The following ZNF804B variants were observed in gnomAD, a reference collection of about 807,000 sequenced individuals.
The protein encoded by ZNF804B is zinc finger protein 804B, also known as zinc finger 804B.
Under a neutral mutation model 101.4 loss-of-function variants are expected in ZNF804B, and 80 were observed. The ratio of observed to expected loss-of-function variants is 0.79; its 90% confidence interval spans 0.66 to 0.95. ZNF804B has a LOEUF of 0.95. ZNF804B is among the 40% of genes least tolerant of loss of function. The pLI is 0.00. For synonymous variants in ZNF804B, 622 were observed against 558.8 expected, an observed-to-expected ratio of 1.11 and a Z score of -1.59; for missense variants, 1,673 against 1,561.9, an observed-to-expected ratio of 1.07 and a Z score of -1.20.
intron 1 of ZNF804B, among the ~76,000 whole-genome samples, chr7:89,159,545 AGCATGGAACAGAGTGG>A (rs777788512): frequency 6.6e-6 from 1 of 152,170 alleles, no homozygotes; most frequent in Non-Finnish European, 1.5e-5. Flanking sequence ...GTGAAGGTAA[AGCATGGAACAGAGTGG>A]GCATGTATCA....
intron 1 of ZNF804B, among the ~76,000 whole-genome samples, chr7:89,029,149 G>A (rs1254237243): frequency 6.6e-6 from 1 of 152,304 alleles, no homozygotes; most frequent in East Asian, 1.9e-4. Context: ...TGTTGCCAAA[G>A]CTGGAGTGCA....
At chr7:88,794,260 G>T in intron 1 of ZNF804B, 1 of 1,613,708 alleles carries the variant, frequency 6.2e-7, no homozygotes. Flanking sequence ...GTTTATAAAT[G>T]TTGCCGGGTC....
At chr7:88,847,147 C>T (rs1791384482) in intron 1 of ZNF804B, among the ~76,000 whole-genome samples, 1 of 151,838 alleles carries the variant, frequency 6.6e-6, no homozygotes, top group South Asian at 2.1e-4. Context: ...AATTGACTAT[C>T]TTTTAGAAAA....
rs778131058 is a variant in ZNF804B, at chr7:89,336,333, C to G, written c.3351C>G (p.Tyr1117Ter). ...ATGTAGAGGGAAATATAAACTCTTA[C>G]TATGACAGAACTATGCAGAAACCTG... ...INHVEGNINS[Y>*]YDRTMQKPDK... Residue 1117 changes from tyrosine to a stop codon, truncating the protein, a stop_gained, in exon 4 of 4, where the codon TAC becomes TAG. Transcript: ENST00000333190. LOFTEE classifies it high-confidence loss of function. 1.2e-6 allele frequency: 2 copies of G among 1,613,948 alleles called. No homozygotes were observed. The highest frequency in any genetic ancestry group is 1.1e-5 in the South Asian group (1 of 91,080).
At chr7:88,815,391 A>G (rs1198235188) in intron 1 of ZNF804B, among the ~76,000 whole-genome samples, 1 of 149,244 alleles carries the variant, frequency 6.7e-6, no homozygotes, top group African/African-American at 2.4e-5. Context: ...AGTTTTTTCC[A>G]TATTAGAATA....
chr7:89,008,447 A>G (rs1321114332), intron 1 of ZNF804B, among the ~76,000 whole-genome samples: 1 of 152,194 alleles, frequency 6.6e-6, no homozygotes, highest in East Asian at 1.9e-4. Context: ...ACTAAGTCTC[A>G]GATCAATTCT....
intron 1 of ZNF804B, among the ~76,000 whole-genome samples, chr7:88,966,761 T>TAC (rs911193159): frequency 6.6e-6 from 1 of 150,624 alleles, no homozygotes; most frequent in Non-Finnish European, 1.5e-5. Context: ...CACACATACA[T>TAC]ACACACACAC....
At chr7:88,876,669 A>G (rs1275881332) in intron 1 of ZNF804B, among the ~76,000 whole-genome samples, 1 of 151,952 alleles carries the variant, frequency 6.6e-6, no homozygotes, top group Non-Finnish European at 1.5e-5. Flanking sequence ...TGTTAAGTTC[A>G]TGTGTTTTAA....
chr7:89,288,232 T>C (rs1372448485), intron 2 of ZNF804B, among the ~76,000 whole-genome samples: 2 of 151,412 alleles, frequency 1.3e-5, no homozygotes, highest in Admixed American at 1.3e-4. Context: ...GAGAAAAAAA[T>C]GGAAAGAACC....
intron 1 of ZNF804B, among the ~76,000 whole-genome samples, chr7:88,971,967 C>T (rs11981551): frequency 6.6e-6 from 1 of 150,988 alleles, no homozygotes; most frequent in African/African-American, 2.4e-5. Context: ...AGTTGTAGAT[C>T]TAGAGCTGCA....
chr7:89,252,664 C>T (rs62470327), intron 2 of ZNF804B, among the ~76,000 whole-genome samples: 18,605 of 152,100 alleles, frequency 0.12, 1,227 homozygotes, highest in Middle Eastern at 0.25. Context: ...TGGGTAAAGA[C>T]AATGTAGTAC....
chr7:88,948,657 G>C (rs1300071956), intron 1 of ZNF804B, among the ~76,000 whole-genome samples: 1 of 151,822 alleles, frequency 6.6e-6, no homozygotes. Context: ...TTGAGCATTA[G>C]CTGGTGTCTA....
At chr7:89,123,529 C>CT (rs1399919488) in intron 1 of ZNF804B, among the ~76,000 whole-genome samples, 1 of 152,052 alleles carries the variant, frequency 6.6e-6, no homozygotes, top group Non-Finnish European at 1.5e-5. Flanking sequence ...GTGCTAGAAA[C>CT]TGAGGATAGC....
At chr7:88,954,372 GA>G (rs1471019432) in intron 1 of ZNF804B, among the ~76,000 whole-genome samples, 1 of 151,642 alleles carries the variant, frequency 6.6e-6, no homozygotes, top group African/African-American at 2.4e-5. Context: ...GAGGGTAACC[GA>G]AAAATAAGGC....
At chr7:89,231,988 T>C (rs1188767506) in intron 2 of ZNF804B, among the ~76,000 whole-genome samples, 1 of 152,256 alleles carries the variant, frequency 6.6e-6, no homozygotes, top group East Asian at 1.9e-4. Context: ...ATGGCCACTT[T>C]TGTGTTCTGA....
chr7:89,011,036 T>C (rs1427292968), intron 1 of ZNF804B, among the ~76,000 whole-genome samples: 2 of 152,156 alleles, frequency 1.3e-5, no homozygotes, highest in Non-Finnish European at 1.5e-5. Context: ...AGAAAAGAGA[T>C]TCAATTGACT....
chr7:88,880,661 T>G (rs1792016766), intron 1 of ZNF804B, among the ~76,000 whole-genome samples: 1 of 152,082 alleles, frequency 6.6e-6, no homozygotes, highest in Non-Finnish European at 1.5e-5. Context: ...TCTGATACAG[T>G]AAACTAAGGG....
chr7:88,775,014 C>G lies in ZNF804B; in HGVS notation c.108+14930C>G, dbSNP rs35750701. Among the ~76,000 whole-genome samples the G allele has an allele frequency of 5.2e-3, 785 of 152,314 alleles. 4 individuals carry two copies. The highest frequency in any genetic ancestry group is 8.5e-3 in the Non-Finnish European group (575 of 68,038). ...CCTTACTACATACTGGGTACTGTTA[C>G]AGGTACCGGTGATAGTGAAGTCAAC... On this transcript the variant is annotated intron_variant, in intron 1 of 3. Transcript: ENST00000333190.
intron 1 of ZNF804B, among the ~76,000 whole-genome samples, chr7:89,144,220 A>T (rs1389253142): frequency 6.6e-6 from 1 of 151,968 alleles, no homozygotes; most frequent in Non-Finnish European, 1.5e-5. Flanking sequence ...ATTTTTCTTT[A>T]TTTTCAATGG....
Sources: gnomAD v4.1 joint callset for allele counts (sites outside exome capture counted in the v4.1 genomes callset) on GRCh38, gnomAD v4.1.1 for gene constraint, MANE v1.5 for transcripts, NCBI Gene and HGNC (gene_info 2026-07-23, HGNC 2026-07-21) for gene names.